The following NIPSNAP3B variants were observed in gnomAD, a reference collection of about 807,000 sequenced individuals.
NIPSNAP3B encodes the protein nipsnap homolog 3B.
NIPSNAP3B carries 30 observed loss-of-function variants against 31.5 expected under a neutral mutation model. The observed-to-expected ratio is 0.95, with a 90% CI of 0.71 to 1.29. The LOEUF (loss-of-function observed/expected upper bound fraction) is 1.29, where lower values mean the gene tolerates loss of function less well. Among genes scored for constraint, NIPSNAP3B ranks in the 50% most tolerant of loss-of-function variants. The pLI is 0.00. For missense variants in NIPSNAP3B, 269 were observed against 300.7 expected (o/e 0.89, Z 0.78); for synonymous variants, 106 against 107.9 (o/e 0.98, Z 0.11).
chr9:104,772,961 A>G, intron 5 of NIPSNAP3B, 36 bp from the exon 6 acceptor site: 1 of 1,614,034 alleles, frequency 6.2e-7, no homozygotes. Flanking sequence ...TGATTCAACC[A>G]ATAACTGTAT....
chr9:104,784,265 G>T, the NIPSNAP3B span: 1 of 1,611,852 alleles, frequency 6.2e-7, no homozygotes. Context: ...TGGTGCAAAG[G>T]AAAGTCTAGT....
At chr9:104,786,869 G>A in the NIPSNAP3B span, 23 of 1,610,594 alleles carry the variant, frequency 1.4e-5, no homozygotes, top group South Asian at 3.3e-5. Context: ...ACTTTACTAC[G>A]GACCTATGAG....
Position 104,774,850 on chromosome 9 carries a change from T to G in NIPSNAP3B, c.*1777T>G, listed in dbSNP as rs923844182. Among the ~76,000 whole-genome samples, 3 of 152,202 alleles carry G rather than the reference T, an allele frequency of 2.0e-5. No homozygotes were observed. Among genetic ancestry groups the G allele is most frequent in the Non-Finnish European group, 4.4e-5 (3 of 68,044 alleles). On this transcript the variant is annotated 3_prime_UTR_variant, in exon 6 of 6. Coordinates refer to ENST00000374762, the MANE Select transcript of NIPSNAP3B (RefSeq NM_018376.4). Reference sequence around the variant, plus strand: ...AGCATTGTATTTTTCTCTATTTTATTCATTCTTTCATTCTCTTCGATGACT... The same window carrying G: ...AGCATTGTATTTTTCTCTATTTTATGCATTCTTTCATTCTCTTCGATGACT...
In NIPSNAP3B at chr9:104,764,178, A is replaced by C. The variant is rs962561398; in HGVS notation, c.-63A>C. The C allele has an allele frequency of 3.4e-6, 5 of 1,479,490 alleles. No individual in the cohort carries two copies. The African/African-American group carries it at 7.0e-5, about 21-fold the overall frequency. The allele number at this position is 1,479,490 out of a possible 1,614,324, so 91.6% of individuals were successfully genotyped here. A position where few individuals can be genotyped will look rare whatever the true frequency, so the allele number is the denominator to read the frequency against. ...AGGAGCCGCTTTTTTCCACTCGGGA[A>C]GACTTCAGAGAAGTCTCACAAAGGA... On this transcript the variant is annotated 5_prime_UTR_variant, in exon 1 of 6. Transcript: ENST00000374762.
intron 1 of NIPSNAP3B, 23 bp downstream of exon 1, chr9:104,764,323 C>T (rs767644119): frequency 2.6e-6 from 4 of 1,562,260 alleles, no homozygotes; most frequent in African/African-American, 2.7e-5. Flanking sequence ...GGGGCGCGCC[C>T]GAGCCCTGGC....
the NIPSNAP3B span, chr9:104,782,864 AAG>A: frequency 1.6e-4 from 25 of 152,082 alleles, 1 homozygote; most frequent in South Asian, 1.7e-3. Flanking sequence ...AAAAAAAAAA[AAG>A]GCTGCCCAGT....
chr9:104,784,659 C>T, the NIPSNAP3B span, among the ~76,000 whole-genome samples: 1 of 151,946 alleles, frequency 6.6e-6, no homozygotes. Flanking sequence ...TTTTTTCCCC[C>T]CTTGAAATGG....
chr9:104,767,719 G>A (rs964242713), intron 2 of NIPSNAP3B, among the ~76,000 whole-genome samples: 2 of 152,076 alleles, frequency 1.3e-5, no homozygotes, highest in Admixed American at 1.3e-4. Context: ...ACTTATGTGC[G>A]TTAGGTGAGC....
rs1828283993 is a variant in NIPSNAP3B, at chr9:104,774,043, T to G, written c.*970T>G. On this transcript the variant is annotated 3_prime_UTR_variant, in exon 6 of 6. Coordinates refer to ENST00000374762, the MANE Select transcript of NIPSNAP3B (RefSeq NM_018376.4). ...CCTGGAGTTTTCCTTGAAACATCTT[T>G]CATTTCCATTTTACTTGATGCCTCT... 1 of 152,188 alleles carries G rather than the reference T, an allele frequency of 6.6e-6. No individual in the cohort carries two copies. Among genetic ancestry groups the G allele is most frequent in the African/African-American group, 2.4e-5 (1 of 41,466 alleles). The allele number at this position is 152,188 out of a possible 1,614,324, so 9.4% of individuals were successfully genotyped here.
chr9:104,788,230 T>C, the NIPSNAP3B span, among the ~76,000 whole-genome samples: 126 of 152,220 alleles, frequency 8.3e-4, 2 homozygotes, highest in South Asian at 0.02. Context: ...GGAGCAGCAC[T>C]CCCTCTCTGC....
At position 104,766,393 on chromosome 9, in the gene NIPSNAP3B, C is replaced by T. The variant is rs1252225100; in HGVS notation, c.129C>T (p.Tyr43=). The change falls in exon 2 of 6, where the codon TAC becomes TAT. Residue 43 remains tyrosine, a synonymous_variant. Coordinates refer to ENST00000374762, the MANE Select transcript of NIPSNAP3B (RefSeq NM_018376.4). The part of the protein sequence containing the change: ...DGTFYEFRTY[Y]LKPSNMNAFM... ...CGTTCTATGAATTTCGTACTTATTACCTTAAACCTTCAAATATGAATGCGT... is the reference window on the plus strand; with the variant it reads ...CGTTCTATGAATTTCGTACTTATTATCTTAAACCTTCAAATATGAATGCGT... 2 of 1,613,758 alleles carry T rather than the reference C, an allele frequency of 1.2e-6. No homozygotes were observed. Among genetic ancestry groups the T allele is most frequent in the South Asian group, 1.1e-5 (1 of 91,078 alleles).
intron 1 of NIPSNAP3B, among the ~76,000 whole-genome samples, chr9:104,765,881 G>C (rs758859683): frequency 6.6e-6 from 1 of 152,076 alleles, no homozygotes; most frequent in East Asian, 1.9e-4. Context: ...GTTAGTAAAC[G>C]TATTTTTGGG....
At chr9:104,785,255 TA>T in the NIPSNAP3B span, 13 of 1,141,742 alleles carry the variant, frequency 1.1e-5, no homozygotes, top group African/African-American at 2.0e-4. Context: ...AGAGGTTTAG[TA>T]AAAAGCATAG....
chr9:104,788,553 A>T, the NIPSNAP3B span: 1 of 1,614,194 alleles, frequency 6.2e-7, no homozygotes, highest in African/African-American at 1.3e-5. Flanking sequence ...TACTTCATGG[A>T]TGTTTGATAA....
the NIPSNAP3B span, among the ~76,000 whole-genome samples, chr9:104,789,724 T>G: frequency 1.3e-5 from 2 of 152,182 alleles, no homozygotes; most frequent in Non-Finnish European, 2.9e-5. Flanking sequence ...TAGGTTGAGA[T>G]ATAAAATGTA....
rs1420487534 is a variant in NIPSNAP3B at position 104,774,395 on chromosome 9, G to A, written c.*1322G>A. Among the ~76,000 whole-genome samples the A allele has an allele frequency of 2.0e-5, 3 of 152,196 alleles. No individual in the cohort carries two copies. Among genetic ancestry groups the A allele is most frequent in the African/African-American group, 4.8e-5 (2 of 41,450 alleles). On this transcript the variant is annotated 3_prime_UTR_variant, in exon 6 of 6. Coordinates refer to ENST00000374762, the MANE Select transcript of NIPSNAP3B (RefSeq NM_018376.4). The stretch of plus-strand genomic sequence containing the variant: ...TCCTCAGCATTCTTTTCCATGCAGA[G>A]TTCAAAGAGGCCTAAGACATCTCAC...
intron 1 of NIPSNAP3B, 43 bp downstream of exon 1, chr9:104,764,343 G>A: frequency 6.7e-7 from 1 of 1,483,782 alleles, no homozygotes; most frequent in Non-Finnish European, 9.1e-7. Context: ...CCGGAGGGGA[G>A]GGGAGGGGCG....
the NIPSNAP3B span, chr9:104,788,120 T>TGTCCTAC: frequency 6.6e-7 from 1 of 1,518,992 alleles, no homozygotes; most frequent in Non-Finnish European, 9.1e-7. Flanking sequence ...GTCCTACACA[T>TGTCCTAC]ACATGTATGA....
the NIPSNAP3B span, chr9:104,783,154 T>C: frequency 1.3e-5 from 2 of 152,172 alleles, no homozygotes; most frequent in Admixed American, 1.3e-4. Context: ...TATGCAAACT[T>C]ACATAAGAAA....
Sources: allele counts gnomAD v4.1 joint callset (sites outside exome capture counted in the v4.1 genomes callset), GRCh38; gene constraint gnomAD v4.1.1; transcripts MANE v1.5; gene names NCBI Gene and HGNC (gene_info 2026-07-23, HGNC 2026-07-21).